COX7B2: variants seen among roughly 807,000 people sequenced by gnomAD.
COX7B2 encodes the protein cytochrome c oxidase subunit 7B2, mitochondrial.
For synonymous variants in COX7B2, 37 were observed against 32.1 expected (o/e 1.15, Z -0.51); for missense variants, 109 against 95.9 (o/e 1.14, Z -0.57).
In COX7B2 at chr4:46,788,526, A is replaced by G. The variant is rs374012084; in HGVS notation, c.-49-53285T>C. Among the ~76,000 whole-genome samples the G allele has an allele frequency of 1.8e-3, 268 of 152,254 alleles. 1 individual carries two copies. In the Middle Eastern group the frequency reaches 0.024, roughly 14 times the overall value. ...TCAGAAATTTAAAATAAGAAGTTAT[A>G]AATGTAAAAAGAATTCCTAGCCAAC... is the stretch of plus-strand genomic sequence containing the variant. On this transcript the variant is annotated intron_variant, in intron 2 of 2. Coordinates refer to ENST00000355591, the MANE Select transcript of COX7B2 (RefSeq NM_130902.3).
chr4:46,804,826 C>T (rs1487215532), intron 2 of COX7B2, among the ~76,000 whole-genome samples: 1 of 152,260 alleles, frequency 6.6e-6, no homozygotes, highest in East Asian at 1.9e-4. Flanking sequence ...GTGCCGTGTG[C>T]CTGCACTCCT....
chr4:46,862,965 T>A (rs1424977849), intron 1 of COX7B2, among the ~76,000 whole-genome samples: 1 of 152,180 alleles, frequency 6.6e-6, no homozygotes, highest in African/African-American at 2.4e-5. Flanking sequence ...TATTATAATA[T>A]ATGGGAAGAT....
At chr4:46,831,611 AATC>A (rs1292275626) in intron 2 of COX7B2, among the ~76,000 whole-genome samples, 2 of 152,192 alleles carry the variant, frequency 1.3e-5, no homozygotes, top group African/African-American at 4.8e-5. Context: ...TAAACACACC[AATC>A]AGCATCCTGT....
intron 1 of COX7B2, among the ~76,000 whole-genome samples, chr4:46,875,804 C>G (rs1048546738): frequency 1.3e-5 from 2 of 151,826 alleles, no homozygotes; most frequent in African/African-American, 4.8e-5. Flanking sequence ...TCCATCTCTT[C>G]ACCTGTCCAC....
Position 46,753,727 on chromosome 4 carries a change from C to T in COX7B2, c.-49-18486G>A, listed in dbSNP as rs560619670. Among the ~76,000 whole-genome samples the T allele has an allele frequency of 1.2e-3, 185 of 152,030 alleles. No individual in the cohort carries two copies. In the Middle Eastern group the frequency reaches 0.02, roughly 17 times the overall value. The stretch of plus-strand genomic sequence containing the variant: ...AATTGACAAATGGGATCTAATTAAA[C>T]TAAAGAGCTTCTGCAGAGCAAAAGA... On this transcript the variant is annotated intron_variant, in intron 2 of 2. Transcript: ENST00000355591.
At chr4:46,794,147 CTTGAG>C (rs1268482087) in intron 2 of COX7B2, among the ~76,000 whole-genome samples, 1 of 152,170 alleles carries the variant, frequency 6.6e-6, no homozygotes, top group Non-Finnish European at 1.5e-5. Flanking sequence ...GAAACAACTA[CTTGAG>C]TTTTCTAATT....
chr4:46,896,508 G>T (rs1442139509), intron 1 of COX7B2, among the ~76,000 whole-genome samples: 1 of 152,070 alleles, frequency 6.6e-6, no homozygotes, highest in Non-Finnish European at 1.5e-5. Flanking sequence ...TAGGAATATA[G>T]GCAAGCCAAT....
chr4:46,878,460 T>C (rs1460696431), intron 1 of COX7B2, among the ~76,000 whole-genome samples: 2 of 151,036 alleles, frequency 1.3e-5, no homozygotes, highest in South Asian at 2.1e-4. Context: ...ATCATTTTAC[T>C]ACATATACAT....
intron 1 of COX7B2, among the ~76,000 whole-genome samples, chr4:46,900,573 T>C (rs1720022016): frequency 1.3e-5 from 2 of 152,064 alleles, no homozygotes; most frequent in Admixed American, 6.6e-5. Context: ...ATAAAATTAA[T>C]AAAAACAAAT....
In COX7B2 at chr4:46,836,593, A is replaced by T. The variant is rs185342110; in HGVS notation, c.-50+8367T>A. Among the ~76,000 whole-genome samples the T allele has an allele frequency of 6.1e-3, 883 of 145,092 alleles. 9 individuals carry two copies. Among genetic ancestry groups the T allele is most frequent in the Middle Eastern group, 0.043 (12 of 280 alleles). On this transcript the variant is annotated intron_variant, in intron 2 of 2. Coordinates refer to ENST00000355591, the MANE Select transcript of COX7B2 (RefSeq NM_130902.3). ...TGAGGCTGTTCTACAGTTAAATTTT[A>T]AAAAAAAAAAGAAGGAGCACAAGCT...
intron 2 of COX7B2, among the ~76,000 whole-genome samples, chr4:46,749,092 T>C (rs1209615858): frequency 6.6e-6 from 1 of 152,150 alleles, no homozygotes; most frequent in African/African-American, 2.4e-5. Context: ...TTTCATCCTT[T>C]ATGATTTTGT....
chr4:46,826,460 G>A (rs1015146968), intron 2 of COX7B2, among the ~76,000 whole-genome samples: 13 of 152,032 alleles, frequency 8.6e-5, no homozygotes, highest in African/African-American at 3.1e-4. Flanking sequence ...AAGTAGTATG[G>A]CAATTCCTCA....
At chr4:46,839,367 A>T (rs577814198) in intron 2 of COX7B2, among the ~76,000 whole-genome samples, 55 of 152,078 alleles carry the variant, frequency 3.6e-4, no homozygotes, top group Admixed American at 9.8e-4. Flanking sequence ...CATCCTTGGT[A>T]ACTTCCTGTG....
rs186946902 is a variant in COX7B2, at chr4:46,810,051, C to A, written c.-50+34909G>T. 4.8e-3 allele frequency among the ~76,000 whole-genome samples: 734 copies of A among 152,082 alleles called. 7 individuals carry two copies. Among genetic ancestry groups the A allele is most frequent in the Non-Finnish European group, 4.9e-3 (333 of 67,864 alleles). On this transcript the variant is annotated intron_variant, in intron 2 of 2. Coordinates refer to ENST00000355591, the MANE Select transcript of COX7B2 (RefSeq NM_130902.3). ...AGTCTATTCTATCAGATAAGTATAG[C>A]CACTGCTGCTTTCTTTGATTACAAT...
At chr4:46,774,947 C>T (rs1303658821) in intron 2 of COX7B2, among the ~76,000 whole-genome samples, 1 of 152,050 alleles carries the variant, frequency 6.6e-6, no homozygotes, top group Non-Finnish European at 1.5e-5. Flanking sequence ...ACAGCTTATA[C>T]TTACTTTAAT....
chr4:46,843,679 T>G (rs1716085852), intron 2 of COX7B2, among the ~76,000 whole-genome samples: 1 of 152,004 alleles, frequency 6.6e-6, no homozygotes, highest in South Asian at 2.1e-4. Context: ...CAATTGTAGT[T>G]CTGCAAATTA....
chr4:46,791,222 G>A lies in COX7B2; in HGVS notation c.-50+53738C>T, dbSNP rs191384897. On this transcript the variant is annotated intron_variant, in intron 2 of 2. Coordinates refer to ENST00000355591, the MANE Select transcript of COX7B2 (RefSeq NM_130902.3). ...GAGGGAGTTTTACCGTGTTAGCCAG[G>A]ATGGTCTCCATCTCCTGACCTCGTG... 3.1e-3 allele frequency among the ~76,000 whole-genome samples: 477 copies of A among 151,460 alleles called. 4 individuals carry two copies. The highest frequency in any genetic ancestry group is 0.011 in the African/African-American group (443 of 41,264).
At chr4:46,795,029 C>CAAAA (rs1192906464) in intron 2 of COX7B2, among the ~76,000 whole-genome samples, 4,389 of 150,608 alleles carry the variant, frequency 0.029, 244 homozygotes, top group African/African-American at 0.093. Context: ...GTCCTTCGCC[C>CAAAA]ACTTTTTGAT....
intron 1 of COX7B2, among the ~76,000 whole-genome samples, chr4:46,875,573 T>G (rs1159245476): frequency 6.6e-6 from 1 of 152,128 alleles, no homozygotes; most frequent in East Asian, 1.9e-4. Flanking sequence ...CACAATCTTG[T>G]GCAAGTTCAT....
Sources: allele counts gnomAD v4.1 joint callset (sites outside exome capture counted in the v4.1 genomes callset), GRCh38; gene constraint gnomAD v4.1.1; transcripts MANE v1.5; gene names NCBI Gene and HGNC (gene_info 2026-07-23, HGNC 2026-07-21).